FTCDNL1: variants seen among roughly 807,000 people sequenced by gnomAD.
FTCDNL1 encodes formiminotransferase N-terminal subdomain-containing protein.
A neutral mutation model predicts 5.9 loss-of-function variants in FTCDNL1; 11 were observed. The ratio of observed to expected loss-of-function variants is 1.87; its 90% CI spans 1.18 to 3.10. The LOEUF is 3.10. FTCDNL1 is among the 30% of genes most tolerant of loss of function. The probability of loss-of-function intolerance (pLI) is 0.00; values close to 1 mark genes in which losing one functional copy is unlikely to be tolerated. For missense variants in FTCDNL1, 115 were observed against 65.5 expected, an observed-to-expected ratio of 1.76 and a Z score of -2.61; for synonymous variants, 58 against 24.8, an observed-to-expected ratio of 2.34 and a Z score of -3.99.
the FTCDNL1 span, among the ~76,000 whole-genome samples, chr2:199,740,271 G>A: frequency 6.6e-6 from 1 of 152,094 alleles, no homozygotes; most frequent in African/African-American, 2.4e-5. Flanking sequence ...CGGTGGTGCC[G>A]GAAACTTTTG....
At chr2:199,834,900 G>A (rs547415510) in intron 3 of FTCDNL1, among the ~76,000 whole-genome samples, 109 of 152,270 alleles carry the variant, frequency 7.2e-4, no homozygotes, top group Non-Finnish European at 6.8e-4. Context: ...TTCTAGCTGT[G>A]TGGTGGCTCA....
chr2:199,824,382 T>C (rs1476624285), intron 3 of FTCDNL1, among the ~76,000 whole-genome samples: 1 of 152,260 alleles, frequency 6.6e-6, no homozygotes, highest in Non-Finnish European at 1.5e-5. Flanking sequence ...TTTGATCTTC[T>C]ATCCAGACCA....
chr2:199,664,857 A>C, the FTCDNL1 span, among the ~76,000 whole-genome samples: 5,934 of 152,232 alleles, frequency 0.039, 423 homozygotes, highest in East Asian at 0.26. Context: ...AGTGGAGCTC[A>C]TTTCTGCATA....
At chr2:199,743,811 TC>T in the FTCDNL1 span, among the ~76,000 whole-genome samples, 23 of 152,238 alleles carry the variant, frequency 1.5e-4, no homozygotes, top group South Asian at 4.4e-3. Flanking sequence ...AATAGAAATT[TC>T]CCCCAGGAAT....
chr2:199,791,349 T>C (rs1574518102), intron 3 of FTCDNL1, among the ~76,000 whole-genome samples: 1 of 152,314 alleles, frequency 6.6e-6, no homozygotes, highest in East Asian at 1.9e-4. Context: ...ACTTGAAGAA[T>C]GTGTAATATA....
chr2:199,705,807 C>T, the FTCDNL1 span, among the ~76,000 whole-genome samples: 3 of 152,164 alleles, frequency 2.0e-5, no homozygotes, highest in Non-Finnish European at 2.9e-5. Flanking sequence ...AAAAGATGTA[C>T]TTGGGGAAAT....
chr2:199,816,717 T>C (rs751967382), intron 4 of FTCDNL1, among the ~76,000 whole-genome samples: 1 of 152,184 alleles, frequency 6.6e-6, no homozygotes, highest in Non-Finnish European at 1.5e-5. Flanking sequence ...TGCTCTAATA[T>C]TGCCTTTACA....
At chr2:199,701,724 C>T in the FTCDNL1 span, among the ~76,000 whole-genome samples, 2 of 152,192 alleles carry the variant, frequency 1.3e-5, no homozygotes, top group African/African-American at 4.8e-5. Context: ...CCAAATACTG[C>T]ATGTTCTCAC....
At chr2:199,786,665 A>C (rs1462037458) in intron 3 of FTCDNL1, among the ~76,000 whole-genome samples, 1 of 152,168 alleles carries the variant, frequency 6.6e-6, no homozygotes, top group Non-Finnish European at 1.5e-5. Flanking sequence ...TTTACAGTAC[A>C]TATTTTTTCA....
intron 3 of FTCDNL1, among the ~76,000 whole-genome samples, chr2:199,768,036 T>G (rs1698617542): frequency 6.6e-6 from 1 of 152,256 alleles, no homozygotes; most frequent in Non-Finnish European, 1.5e-5. Flanking sequence ...ATTTAACATT[T>G]AGCCCATTTC....
Position 199,762,006 on chromosome 2 carries a change from T to C in FTCDNL1, c.212-1171A>G, listed in dbSNP as rs1698291834. On this transcript the variant is annotated intron_variant, in intron 3 of 3. Coordinates refer to the FTCDNL1 transcript ENST00000416668. The stretch of plus-strand genomic sequence containing the variant: ...GGCCACATTGGAAGAAGAAGAATTG[T>C]CTTGGGCCACACATAAAATACACTA... 3.3e-5 allele frequency among the ~76,000 whole-genome samples: 5 copies of C among 152,208 alleles called. No homozygotes were observed. In the South Asian group the frequency reaches 1.0e-3, roughly 32 times the overall value.
At chr2:199,748,625 A>G in the FTCDNL1 span, among the ~76,000 whole-genome samples, 2 of 152,156 alleles carry the variant, frequency 1.3e-5, no homozygotes, top group African/African-American at 4.8e-5. Flanking sequence ...GATCTGTGAG[A>G]CAGTCCGTTA....
the FTCDNL1 span, among the ~76,000 whole-genome samples, chr2:199,707,253 T>C: frequency 2.6e-5 from 4 of 152,332 alleles, no homozygotes; most frequent in East Asian, 3.9e-4. Context: ...TTATTAGTAG[T>C]TCTTCCTTGA....
chr2:199,737,927 A>ATTTG, the FTCDNL1 span, among the ~76,000 whole-genome samples: 8 of 152,210 alleles, frequency 5.3e-5, no homozygotes, highest in Non-Finnish European at 8.8e-5. Context: ...AACCTGAGAC[A>ATTTG]TAAGGTTCCC....
the FTCDNL1 span, among the ~76,000 whole-genome samples, chr2:199,682,704 GTATTGTT>G: frequency 2.6e-5 from 4 of 152,168 alleles, no homozygotes; most frequent in Non-Finnish European, 5.9e-5. Context: ...ATGCAGGAAG[GTATTGTT>G]TAATTGAGTG....
At chr2:199,744,900 C>T in the FTCDNL1 span, among the ~76,000 whole-genome samples, 2 of 152,216 alleles carry the variant, frequency 1.3e-5, no homozygotes, top group Admixed American at 6.5e-5. Flanking sequence ...AGGCAAGAGA[C>T]GGGAAAACGC....
At chr2:199,775,969 A>C (rs2106306651) in intron 3 of FTCDNL1, among the ~76,000 whole-genome samples, 1 of 143,778 alleles carries the variant, frequency 7.0e-6, no homozygotes, top group South Asian at 2.2e-4. Flanking sequence ...GCTGGAGTGC[A>C]GTGGCGCGAT....
At chr2:199,812,972 T>A (rs988815484) in intron 4 of FTCDNL1, among the ~76,000 whole-genome samples, 1 of 152,246 alleles carries the variant, frequency 6.6e-6, no homozygotes, top group African/African-American at 2.4e-5. Flanking sequence ...GCTGGTGATT[T>A]AGATATTGTT....
chr2:199,816,851 T>C (rs1249302747), intron 4 of FTCDNL1, among the ~76,000 whole-genome samples: 3 of 152,234 alleles, frequency 2.0e-5, no homozygotes. Context: ...TAATGTACTA[T>C]ATAATTCATT....
Sources: allele counts gnomAD v4.1 joint callset (sites outside exome capture counted in the v4.1 genomes callset), GRCh38; gene constraint gnomAD v4.1.1; transcripts MANE v1.5; gene names NCBI Gene and HGNC (gene_info 2026-07-23, HGNC 2026-07-21).